EXOC6B: variants seen among roughly 807,000 people sequenced by gnomAD.
EXOC6B encodes exocyst complex component 6B, also known as SEC15 homolog B.
EXOC6B carries 54 observed loss-of-function variants against 113.5 expected under a neutral mutation model. The observed-to-expected ratio is 0.48, with a 90% CI of 0.38 to 0.60. The LOEUF (loss-of-function observed/expected upper bound fraction) is 0.60. Among genes scored for constraint, EXOC6B ranks in the 20% least tolerant of loss-of-function variants. The pLI, the probability that EXOC6B is intolerant of heterozygous loss-of-function variation, is 0.00. For missense variants in EXOC6B, 797 were observed against 977.5 expected, an observed-to-expected ratio of 0.82 and a Z score of 2.46; for synonymous variants, 357 against 339.0, an observed-to-expected ratio of 1.05 and a Z score of -0.58.
In EXOC6B at chr2:72,825,707, A is replaced by C. The variant is rs1431952319; in HGVS notation, c.113+91T>G. On this transcript the variant is annotated intron_variant, in intron 1 of 21. Transcript: ENST00000272427. The surrounding 1 kb of genome is among the most constrained non-coding windows in gnomAD (Gnocchi z 4.4). ...CTCCGAAGGGAGGGGCCGGCGCCGG[A>C]CCTGGGGACAGCCGGCCGGAGGCCC... 5.0e-6 allele frequency: 7 copies of C among 1,388,110 alleles called. No homozygotes were observed. The highest frequency in any genetic ancestry group is 5.7e-6 in the Non-Finnish European group (6 of 1,058,188). 86.0% of individuals were successfully genotyped at this position (1,388,110 alleles called of 1,614,324 possible). A position where few individuals can be genotyped will look rare whatever the true frequency, so the allele number is the denominator to read the frequency against.
intron 6 of EXOC6B, among the ~76,000 whole-genome samples, chr2:72,701,125 T>C (rs1348451063): frequency 6.6e-6 from 1 of 151,826 alleles, no homozygotes; most frequent in African/African-American, 2.4e-5. Flanking sequence ...AGGTGGATCA[T>C]GAGGTCAAGG....
At position 72,508,184 on chromosome 2, in the gene EXOC6B, A is replaced by AC. The variant is rs1553430338; in HGVS notation, c.1167+4947_1167+4948insG. ...CCCGCAAAAAAAAAAAAAAAAAAAA[A>AC]ACACCTAAAAACAGTACTTTGATGG... On this transcript the variant is annotated intron_variant, in intron 11 of 21. Coordinates refer to ENST00000272427, the MANE Select transcript of EXOC6B (RefSeq NM_015189.3). 9.5e-4 allele frequency among the ~76,000 whole-genome samples: 85 copies of AC among 89,038 alleles called. 3 individuals are homozygous for AC. The highest frequency in any genetic ancestry group is 2.4e-3 in the African/African-American group (36 of 15,018). The allele number at this position is 89,038 out of a possible 152,430, so 58.4% of individuals were successfully genotyped here. A position where few individuals can be genotyped will look rare whatever the true frequency, so the allele number is the denominator to read the frequency against.
At chr2:72,747,435 A>G (rs918960717) in intron 1 of EXOC6B, among the ~76,000 whole-genome samples, 54 of 152,050 alleles carry the variant, frequency 3.6e-4, no homozygotes, top group African/African-American at 1.1e-3. Flanking sequence ...TCTGAAAAGG[A>G]AGAAGATATT....
intron 17 of EXOC6B, among the ~76,000 whole-genome samples, chr2:72,475,156 G>C (rs1459056370): frequency 2.6e-5 from 4 of 152,132 alleles, no homozygotes; most frequent in Non-Finnish European, 5.9e-5. Flanking sequence ...GAGTATGTGT[G>C]TCTTTGGGCT....
chr2:72,308,787 T>C (rs1412156518), intron 20 of EXOC6B, among the ~76,000 whole-genome samples: 1 of 152,168 alleles, frequency 6.6e-6, no homozygotes, highest in Non-Finnish European at 1.5e-5. Flanking sequence ...ATTTCCCATC[T>C]TAACAGGCAG....
chr2:72,550,218 C>A (rs1703132616), intron 8 of EXOC6B, among the ~76,000 whole-genome samples: 1 of 151,798 alleles, frequency 6.6e-6, no homozygotes, highest in African/African-American at 2.4e-5. Flanking sequence ...TTTTAAAAGT[C>A]TTTGTAATTA....
chr2:72,814,031 G>A (rs1010636772), intron 1 of EXOC6B, among the ~76,000 whole-genome samples: 1 of 151,854 alleles, frequency 6.6e-6, no homozygotes, highest in Non-Finnish European at 1.5e-5. Context: ...AGACTTGGCT[G>A]GAATGTGCAA....
At chr2:72,718,416 G>T in intron 5 of EXOC6B, 109 bp from the exon 6 acceptor site, 1 of 675,582 alleles carries the variant, frequency 1.5e-6, no homozygotes, top group Non-Finnish European at 2.4e-6. Flanking sequence ...CCAGCATGAA[G>T]TTTTAATGAG....
intron 8 of EXOC6B, among the ~76,000 whole-genome samples, chr2:72,528,274 C>T (rs1701832184): frequency 6.6e-6 from 1 of 152,032 alleles, no homozygotes; most frequent in Admixed American, 6.5e-5. Flanking sequence ...TTCTATCACG[C>T]TCATTCTCGC....
At chr2:72,298,564 C>T (rs1458075093) in intron 20 of EXOC6B, among the ~76,000 whole-genome samples, 2 of 152,154 alleles carry the variant, frequency 1.3e-5, no homozygotes, top group East Asian at 3.9e-4. Flanking sequence ...TTAGGTGATG[C>T]AGTTTCTTCA....
chr2:72,274,408 A>G (rs12463825), intron 20 of EXOC6B, among the ~76,000 whole-genome samples: 18,366 of 152,218 alleles, frequency 0.12, 1,377 homozygotes, highest in Admixed American at 0.16. Context: ...GGACAAATAC[A>G]AAGTATTTTG....
intron 1 of EXOC6B, among the ~76,000 whole-genome samples, 160 bp from the exon 2 acceptor site, chr2:72,741,629 G>A (rs544522197): frequency 9.9e-5 from 15 of 152,182 alleles, no homozygotes; most frequent in Non-Finnish European, 1.9e-4. Context: ...AAGGAAAATC[G>A]AAACTTTTGC....
chr2:72,299,856 A>G (rs1686391521), intron 20 of EXOC6B, among the ~76,000 whole-genome samples: 1 of 152,142 alleles, frequency 6.6e-6, no homozygotes, highest in Non-Finnish European at 1.5e-5. Flanking sequence ...TTGCCTGGGT[A>G]TCACCAGTGG....
intron 6 of EXOC6B, among the ~76,000 whole-genome samples, chr2:72,634,718 G>A (rs1392875554): frequency 6.6e-6 from 1 of 152,142 alleles, no homozygotes; most frequent in Admixed American, 6.6e-5. Flanking sequence ...GACATTCATA[G>A]AATAAGGTTC....
At position 72,228,423 on chromosome 2, in the gene EXOC6B, T is replaced by G. The variant is rs905796708; in HGVS notation, c.2197-44236A>C. Among the ~76,000 whole-genome samples, 6 of 118,628 alleles carry G rather than the reference T, an allele frequency of 5.1e-5. No individual in the cohort carries two copies. The East Asian group carries it at 8.8e-4, about 17-fold the overall frequency. 77.8% of individuals were successfully genotyped at this position (118,628 alleles called of 152,430 possible). A position where few individuals can be genotyped will look rare whatever the true frequency, so the allele number is the denominator to read the frequency against. Reference sequence around the variant, plus strand: ...CTAATGCTATCCCTCCCCCCTCCCCTCACCCCACAATAGGCCCCAGTGTGT... The same window carrying G: ...CTAATGCTATCCCTCCCCCCTCCCCGCACCCCACAATAGGCCCCAGTGTGT... On this transcript the variant is annotated intron_variant, in intron 20 of 21. Coordinates refer to ENST00000272427, the MANE Select transcript of EXOC6B (RefSeq NM_015189.3).
At chr2:72,721,364 TAAAAAAAA>T (rs11408155) in intron 5 of EXOC6B, among the ~76,000 whole-genome samples, 1 of 28,502 alleles carries the variant, frequency 3.5e-5, no homozygotes, top group Non-Finnish European at 6.0e-5. Context: ...GTTGTTTTTG[TAAAAAAAA>T]AAAAAAAAAA....
At chr2:72,363,980 T>C (rs778509464) in intron 19 of EXOC6B, among the ~76,000 whole-genome samples, 1 of 152,046 alleles carries the variant, frequency 6.6e-6, no homozygotes, top group African/African-American at 2.4e-5. Flanking sequence ...TCAAAAACAC[T>C]CAAGGTATAT....
intron 8 of EXOC6B, among the ~76,000 whole-genome samples, chr2:72,541,971 G>C (rs1278726929): frequency 6.6e-6 from 1 of 152,148 alleles, no homozygotes; most frequent in Non-Finnish European, 1.5e-5. Flanking sequence ...ACCACACCCA[G>C]CTGACCTCAT....
At chr2:72,207,567 G>T (rs191649921) in intron 20 of EXOC6B, among the ~76,000 whole-genome samples, 3 of 152,296 alleles carry the variant, frequency 2.0e-5, no homozygotes, top group East Asian at 3.9e-4. Context: ...GATAATTGAT[G>T]ATAAGGATGA....
Sources: gnomAD v4.1 joint callset for allele counts (sites outside exome capture counted in the v4.1 genomes callset) on GRCh38, gnomAD v4.1.1 for gene constraint, Gnocchi (gnomAD v3.1) non-coding constraint, MANE v1.5 for transcripts, NCBI Gene and HGNC (gene_info 2026-07-23, HGNC 2026-07-21) for gene names.